Variants in C11orf54 observed in about 807,000 individuals in gnomAD.
The protein encoded by C11orf54 is beta-keto-L-gulonate decarboxylase.
A neutral mutation model predicts 35.5 loss-of-function variants in C11orf54; 29 were observed. The ratio of observed to expected loss-of-function variants is 0.82; its 90% CI spans 0.61 to 1.11. C11orf54 has a LOEUF of 1.11. C11orf54 is among the 50% of genes most tolerant of loss of function. C11orf54 has a pLI of 0.00. For missense variants in C11orf54, 373 were observed against 369.2 expected (o/e 1.01, Z -0.08); for synonymous variants, 108 against 121.1 (o/e 0.89, Z 0.71).
chr11:93,755,118 G>A, intron 5 of C11orf54, 92 bp from the exon 6 acceptor site: 1 of 1,291,394 alleles, frequency 7.7e-7, no homozygotes, highest in Non-Finnish European at 1.1e-6. Flanking sequence ...GAACTAAAAT[G>A]TCTTAAAAGG....
chr11:93,761,549 T>G lies in C11orf54; in HGVS notation c.809T>G (p.Phe270Cys), dbSNP rs1337960626. Residue 270 changes from phenylalanine to cysteine, a missense_variant, in exon 9 of 9, where the codon TTT (phenylalanine) becomes TGT (cysteine). Phe to Cys is a radical substitution (Grantham distance 205). Coordinates refer to ENST00000354421, the MANE Select transcript of C11orf54 (RefSeq NM_001286069.2). ...TTGCGACTGGAGCACACTCATTTTTTTAGTCGTCATGGAGAAGGTGGACAC... is the reference window on the plus strand; with the variant it reads ...TTGCGACTGGAGCACACTCATTTTTGTAGTCGTCATGGAGAAGGTGGACAC... ...FDLRLEHTHF[F>C]SRHGEGGHYH... 6.2e-7 allele frequency: 1 copy of G among 1,611,128 alleles called. No homozygotes were observed. Among genetic ancestry groups the G allele is most frequent in the African/African-American group, 1.3e-5 (1 of 74,744 alleles).
At chr11:93,759,947 G>T (rs1943369397) in intron 8 of C11orf54, 89 bp downstream of exon 8, 3 of 709,634 alleles carry the variant, frequency 4.2e-6, no homozygotes, top group Non-Finnish European at 6.6e-6. Context: ...TTTTGTGTTT[G>T]TTGTTGTTGT....
chr11:93,745,405 G>A (rs542842875), intron 1 of C11orf54, among the ~76,000 whole-genome samples: 7 of 152,244 alleles, frequency 4.6e-5, no homozygotes, highest in South Asian at 4.2e-4. Context: ...GGAGAATGGC[G>A]ATGACTTTTA....
chr11:93,755,527 G>A, intron 6 of C11orf54, 141 bp downstream of exon 6: 1 of 836,586 alleles, frequency 1.2e-6, no homozygotes. Context: ...ATAACTTGAG[G>A]TCAACTTGAG....
intron 1 of C11orf54, among the ~76,000 whole-genome samples, chr11:93,745,183 G>T (rs1591329926): frequency 6.6e-6 from 1 of 152,272 alleles, no homozygotes; most frequent in African/African-American, 2.4e-5. Flanking sequence ...CCAGGGATAT[G>T]CGGGAAACAG....
rs80107358 is a variant in C11orf54 at position 93,750,982 on chromosome 11, G to A, written c.154+538G>A. On this transcript the variant is annotated intron_variant, in intron 3 of 8. Transcript: ENST00000354421. ...TTACAATAACACCACAAGGTAAGTA[G>A]TAGCCCTTGTTTATAGATGAGAAAA... Among the ~76,000 whole-genome samples the A allele has an allele frequency of 1.1e-4, 16 of 152,314 alleles. No individual in the cohort carries two copies. The East Asian group carries it at 3.1e-3, about 29-fold the overall frequency.
chr11:93,760,752 G>A (rs949389466), intron 8 of C11orf54, among the ~76,000 whole-genome samples: 8 of 151,962 alleles, frequency 5.3e-5, no homozygotes, highest in African/African-American at 1.9e-4. Flanking sequence ...TCCGCCTCTT[G>A]GGTTCATGTG....
chr11:93,748,820 C>G (rs571144257), intron 2 of C11orf54, among the ~76,000 whole-genome samples: 1 of 144,608 alleles, frequency 6.9e-6, no homozygotes, highest in African/African-American at 2.5e-5. Context: ...TGGGCAACAA[C>G]ACGAGACTCA....
chr11:93,742,186 TC>T, intron 1 of C11orf54: 1 of 152,924 alleles, frequency 6.5e-6, no homozygotes, highest in Non-Finnish European at 1.5e-5. Context: ...TCCTCCTACA[TC>T]CCCCCTGCCC....
At position 93,761,761 on chromosome 11, in the gene C11orf54, T is replaced by C. The variant is rs1328139264; in HGVS notation, c.*73T>C. 7.3e-7 allele frequency: 1 copy of C among 1,363,672 alleles called. No homozygotes were observed. The highest frequency in any genetic ancestry group is 9.8e-7 in the Non-Finnish European group (1 of 1,016,714). The allele number at this position is 1,363,672 out of a possible 1,614,324, so 84.5% of individuals were successfully genotyped here. A position where few individuals can be genotyped will look rare whatever the true frequency, so the allele number is the denominator to read the frequency against. On this transcript the variant is annotated 3_prime_UTR_variant, in exon 9 of 9. Transcript: ENST00000354421. ...TGATTGACTTATTAATTAATACTGATATAAAACCAATAGAAATGATCCCAC... is the reference window on the plus strand; with the variant it reads ...TGATTGACTTATTAATTAATACTGACATAAAACCAATAGAAATGATCCCAC...
intron 7 of C11orf54, among the ~76,000 whole-genome samples, chr11:93,758,541 T>C (rs1436874507): frequency 6.6e-6 from 1 of 152,190 alleles, no homozygotes; most frequent in Non-Finnish European, 1.5e-5. Context: ...AAATGCCTGC[T>C]CCCACTGCCT....
intron 2 of C11orf54, among the ~76,000 whole-genome samples, chr11:93,749,823 T>C (rs1432242838): frequency 2.0e-5 from 3 of 152,218 alleles, no homozygotes; most frequent in Non-Finnish European, 4.4e-5. Context: ...GTAACTACTA[T>C]CCAGATCAAA....
Position 93,761,557 on chromosome 11 carries a change from C to A in C11orf54, c.817C>A (p.His273Asn). The A allele has an allele frequency of 6.2e-7, 1 of 1,610,902 alleles. No individual in the cohort carries two copies. Among genetic ancestry groups the A allele is most frequent in the Non-Finnish European group, 8.5e-7 (1 of 1,178,790 alleles). Residue 273 changes from histidine (H) to asparagine (N), a missense_variant, in exon 9 of 9, where the codon CAT becomes AAT. By Grantham distance (68) the His-to-Asn change is moderately conservative. Coordinates refer to ENST00000354421, the MANE Select transcript of C11orf54 (RefSeq NM_001286069.2). ...RLEHTHFFSRHGEGGHYHYDT... is the reference protein window; with the variant it reads ...RLEHTHFFSRNGEGGHYHYDT... The stretch of plus-strand genomic sequence containing the variant: ...GGAGCACACTCATTTTTTTAGTCGT[C>A]ATGGAGAAGGTGGACACTACCATTA...
In C11orf54 at chr11:93,753,815, G is replaced by T; in HGVS notation, c.228+60G>T. The T allele has an allele frequency of 2.5e-6, 4 of 1,575,296 alleles. No homozygotes were observed. In the South Asian group the frequency reaches 4.5e-5, roughly 18 times the overall value. On this transcript the variant is annotated intron_variant, in intron 4 of 8. Transcript: ENST00000354421. ...TTGTAGAAGTTGGGTTGATTACTGT[G>T]TTTATTATTAGAAGACCTGTTGATC...
In C11orf54 at chr11:93,754,681, A is replaced by G. The variant is rs570991740; in HGVS notation, c.331-529A>G. The stretch of plus-strand genomic sequence containing the variant: ...AAAAAAGTTAAAAATTTAAAATAAG[A>G]TATTTAACGCAAGTTATAGATACAC... On this transcript the variant is annotated intron_variant, in intron 5 of 8. Transcript: ENST00000354421. Among the ~76,000 whole-genome samples, 97 of 151,676 alleles carry G rather than the reference A, an allele frequency of 6.4e-4. 1 individual carries two copies. In the South Asian group the frequency reaches 0.02, roughly 31 times the overall value.
rs928850857 is a variant in C11orf54, at chr11:93,755,405, A to G, written c.507+19A>G. On this transcript the variant is annotated intron_variant, in intron 6 of 8. Transcript: ENST00000354421. The stretch of plus-strand genomic sequence containing the variant: ...TGGCAAGGTGATTGTGTCCATAAAA[A>G]TACAATATTCCCTAAATGTTCTCAG... 7 of 1,608,682 alleles carry G rather than the reference A, an allele frequency of 4.4e-6. No individual in the cohort carries two copies. Among genetic ancestry groups the G allele is most frequent in the Non-Finnish European group, 5.1e-6 (6 of 1,175,668 alleles).
rs10624807 is a variant in C11orf54 at position 93,749,504 on chromosome 11, C to CAAAAAAAAAA, written c.56-828_56-819dup. On this transcript the variant is annotated intron_variant, in intron 2 of 8. Coordinates refer to ENST00000354421, the MANE Select transcript of C11orf54 (RefSeq NM_001286069.2). ...AGGCTATCAGAGTGAGACTCTGTCTCAAAAAAAAAAAAAAAAAAAAAAACT... is the reference window on the plus strand; with the variant it reads ...AGGCTATCAGAGTGAGACTCTGTCTCAAAAAAAAAAAAAAAAAAAAAAAAAAAAAAAAACT... Among the ~76,000 whole-genome samples the CAAAAAAAAAA allele has an allele frequency of 4.2e-5, 3 of 71,742 alleles. 1 individual carries two copies. The highest frequency in any genetic ancestry group is 4.8e-5 in the Non-Finnish European group (2 of 41,910). 47.1% of individuals were successfully genotyped at this position (71,742 alleles called of 152,430 possible).
chr11:93,760,090 G>A (rs936634590), intron 8 of C11orf54, among the ~76,000 whole-genome samples: 1 of 152,098 alleles, frequency 6.6e-6, no homozygotes, highest in African/African-American at 2.4e-5. Flanking sequence ...GGGATTATAG[G>A]CATCTGCCAC....
At chr11:93,748,960 AT>A (rs1343522404) in intron 2 of C11orf54, among the ~76,000 whole-genome samples, 14 of 151,916 alleles carry the variant, frequency 9.2e-5, no homozygotes, top group Non-Finnish European at 1.3e-4. Context: ...CCTGGCCAAC[AT>A]GGTGAAACCC....
Sources: gnomAD v4.1 joint callset for allele counts (sites outside exome capture counted in the v4.1 genomes callset) on GRCh38, gnomAD v4.1.1 for gene constraint, MANE v1.5 for transcripts, NCBI Gene and HGNC (gene_info 2026-07-23, HGNC 2026-07-21) for gene names.